The following SPPL3 variants were observed in gnomAD, a reference collection of about 807,000 sequenced individuals.
SPPL3 encodes the protein signal peptide peptidase like 3, also known as signal peptide peptidase-like 3.
SPPL3 carries 5 observed loss-of-function variants against 42.4 expected under a neutral mutation model. The ratio of observed to expected loss-of-function variants is 0.12; its 90% CI spans 0.06 to 0.25. The LOEUF (loss-of-function observed/expected upper bound fraction) is 0.25, where lower values mean the gene tolerates loss of function less well. Among genes scored for constraint, SPPL3 ranks in the 10% least tolerant of loss-of-function variants. The probability of loss-of-function intolerance (pLI) is 1.00; values close to 1 mark genes in which losing one functional copy is unlikely to be tolerated. For synonymous variants in SPPL3, 195 were observed against 181.8 expected (o/e 1.07, Z -0.58); for missense variants, 235 against 489.0 (o/e 0.48, Z 4.90).
At chr12:120,869,179 G>T (rs142307183) in intron 1 of SPPL3, among the ~76,000 whole-genome samples, 1 of 152,288 alleles carries the variant, frequency 6.6e-6, no homozygotes, top group Non-Finnish European at 1.5e-5. Context: ...ACATCACCAT[G>T]AATGTGACAG....
chr12:120,876,574 G>A (rs1170263337), intron 1 of SPPL3, among the ~76,000 whole-genome samples: 8 of 127,084 alleles, frequency 6.3e-5, no homozygotes, highest in East Asian at 2.5e-4. Context: ...CCGAGATCGC[G>A]CCACTGCACT....
chr12:120,844,726 A>C (rs1375926282), intron 1 of SPPL3, among the ~76,000 whole-genome samples: 1 of 151,786 alleles, frequency 6.6e-6, no homozygotes, highest in Non-Finnish European at 1.5e-5. Context: ...ACAAAAACCA[A>C]CCACCAAAAT....
intron 2 of SPPL3, among the ~76,000 whole-genome samples, chr12:120,802,413 G>GTA (rs1159315831): frequency 8.0e-5 from 9 of 112,434 alleles, no homozygotes; most frequent in Admixed American, 3.0e-4. Context: ...GTGTGTGTGT[G>GTA]TGTATATATA....
chr12:120,880,983 A>G (rs887933570), intron 1 of SPPL3, among the ~76,000 whole-genome samples: 1 of 152,002 alleles, frequency 6.6e-6, no homozygotes, highest in Non-Finnish European at 1.5e-5. Context: ...ATCACTAGAG[A>G]AATATAAATC....
intron 3 of SPPL3, among the ~76,000 whole-genome samples, chr12:120,785,815 TAAA>T (rs5801402): frequency 2.2e-5 from 3 of 133,808 alleles, no homozygotes; most frequent in African/African-American, 2.7e-5. Flanking sequence ...TACAGAAAAT[TAAA>T]AAAAAAAAAA....
chr12:120,785,436 C>T (rs1869689265), intron 3 of SPPL3, among the ~76,000 whole-genome samples: 1 of 152,022 alleles, frequency 6.6e-6, no homozygotes, highest in South Asian at 2.1e-4. Context: ...TAAATGAAAT[C>T]ACAGGAGTTA....
At position 120,852,794 on chromosome 12, in the gene SPPL3, TCA is replaced by T. The variant is rs1872290708; in HGVS notation, c.24-41910_24-41909del. On this transcript the variant is annotated intron_variant, in intron 1 of 10. Transcript: ENST00000353487. ...TTATATATAAAATATATTTCATATA[TCA>T]TATATACATATATGAAATATATATT... 1.7e-4 allele frequency among the ~76,000 whole-genome samples: 2 copies of T among 11,444 alleles called. 1 individual carries two copies. Among genetic ancestry groups the T allele is most frequent in the Non-Finnish European group, 1.1e-3 (2 of 1,870 alleles). The allele number at this position is 11,444 out of a possible 152,430, so 7.5% of individuals were successfully genotyped here. A position where few individuals can be genotyped will look rare whatever the true frequency, so the allele number is the denominator to read the frequency against.
At chr12:120,766,621 C>T (rs1396587631) in intron 9 of SPPL3, among the ~76,000 whole-genome samples, 1 of 152,216 alleles carries the variant, frequency 6.6e-6, no homozygotes, top group African/African-American at 2.4e-5. Context: ...TTCAAACCCT[C>T]CTTCCAGCTC....
At chr12:120,795,771 T>G (rs745670515) in intron 2 of SPPL3, among the ~76,000 whole-genome samples, 24 of 152,198 alleles carry the variant, frequency 1.6e-4, no homozygotes, top group African/African-American at 7.2e-5. Flanking sequence ...TAGAAAAAAC[T>G]TGGCCATTAT....
chr12:120,775,169 G>T (rs1475131108), intron 6 of SPPL3, among the ~76,000 whole-genome samples: 1 of 152,088 alleles, frequency 6.6e-6, no homozygotes, highest in Non-Finnish European at 1.5e-5. Flanking sequence ...TATTTATTTA[G>T]AGGCAGAGTC....
chr12:120,836,242 C>T (rs1374393224), intron 1 of SPPL3, among the ~76,000 whole-genome samples: 1 of 151,950 alleles, frequency 6.6e-6, no homozygotes, highest in African/African-American at 2.4e-5. Context: ...AACCAAAAGA[C>T]GGCTACAGAA....
rs1220942076 is a variant in SPPL3, at chr12:120,789,640, C to T, written c.190+1829G>A. 2.6e-5 allele frequency among the ~76,000 whole-genome samples: 4 copies of T among 151,124 alleles called. No homozygotes were observed. In the East Asian group the frequency reaches 7.8e-4, roughly 29 times the overall value. ...AGGAGTTTGAGACCAGCCTGGCCAA[C>T]ACTGTGAAACCCCATCTCTACTAAA... On this transcript the variant is annotated intron_variant, in intron 3 of 10. Transcript: ENST00000353487.
chr12:120,791,341 G>T, intron 3 of SPPL3, 128 bp downstream of exon 3: 2 of 600,432 alleles, frequency 3.3e-6, no homozygotes, highest in Non-Finnish European at 2.8e-6. Flanking sequence ...CTCATTTTAA[G>T]TATAATTCAA....
At chr12:120,851,736 T>C (rs1373118648) in intron 1 of SPPL3, among the ~76,000 whole-genome samples, 1 of 152,156 alleles carries the variant, frequency 6.6e-6, no homozygotes, top group African/African-American at 2.4e-5. Context: ...CCTGAGTAGC[T>C]GGGACTACAG....
In SPPL3 at chr12:120,781,555, GTT is replaced by G. The variant is rs527339173; in HGVS notation, c.502+1098_502+1099del. On this transcript the variant is annotated intron_variant, in intron 6 of 10. Coordinates refer to ENST00000353487, the MANE Select transcript of SPPL3 (RefSeq NM_139015.5). ...TCTAATCCCATCTCCTTATTGTTAC[GTT>G]TTTTTTTTTTTTTTTTTTTTTTTTT... is the stretch of plus-strand genomic sequence containing the variant. 3.3e-3 allele frequency among the ~76,000 whole-genome samples: 208 copies of G among 63,000 alleles called. 3 individuals carry two copies. Among genetic ancestry groups the G allele is most frequent in the African/African-American group, 9.1e-3 (133 of 14,640 alleles). 41.3% of individuals were successfully genotyped at this position (63,000 alleles called of 152,430 possible).
intron 1 of SPPL3, among the ~76,000 whole-genome samples, chr12:120,879,968 T>A (rs575207619): frequency 6.6e-6 from 1 of 151,672 alleles, no homozygotes; most frequent in East Asian, 1.9e-4. Context: ...CCACCTCTGT[T>A]CCCTGCTTTT....
chr12:120,829,697 T>C (rs949460643), intron 1 of SPPL3, among the ~76,000 whole-genome samples: 20 of 151,140 alleles, frequency 1.3e-4, no homozygotes, highest in Admixed American at 5.9e-4. Flanking sequence ...AAAATACATA[T>C]CAAATAAAGA....
chr12:120,872,307 C>G (rs917479245), intron 1 of SPPL3, among the ~76,000 whole-genome samples: 5 of 152,168 alleles, frequency 3.3e-5, no homozygotes, highest in African/African-American at 1.2e-4. Context: ...CCACTATAAA[C>G]AGCTAGAAAA....
chr12:120,829,531 G>T lies in SPPL3; in HGVS notation c.24-18645C>A, dbSNP rs952064841. Among the ~76,000 whole-genome samples the T allele has an allele frequency of 2.0e-5, 3 of 152,252 alleles. No individual in the cohort carries two copies. In the East Asian group the frequency reaches 5.8e-4, roughly 29 times the overall value. On this transcript the variant is annotated intron_variant, in intron 1 of 10. Transcript: ENST00000353487. Reference sequence around the variant, plus strand: ...GAATCGCTTGGACCTAGGGGGCAGGGGTTGCAGTGAGCTGAGATTGCACCA... The same window carrying T: ...GAATCGCTTGGACCTAGGGGGCAGGTGTTGCAGTGAGCTGAGATTGCACCA...
Sources: gnomAD v4.1 joint callset for allele counts (sites outside exome capture counted in the v4.1 genomes callset) on GRCh38, gnomAD v4.1.1 for gene constraint, MANE v1.5 for transcripts, NCBI Gene and HGNC (gene_info 2026-07-23, HGNC 2026-07-21) for gene names.